The following SWAP70 variants were observed in gnomAD, a reference collection of about 807,000 sequenced individuals.
The protein encoded by SWAP70 is switch-associated protein 70.
In SWAP70, 34 loss-of-function variants were observed where a neutral mutation model predicts 80.2. The ratio of observed to expected loss-of-function variants is 0.42; its 90% CI spans 0.32 to 0.56. The LOEUF (loss-of-function observed/expected upper bound fraction) is 0.56. Ranked by LOEUF, SWAP70 falls within the 20% of genes least tolerant of loss-of-function variation. SWAP70 has a pLI of 0.09. For missense variants in SWAP70, 578 were observed against 690.7 expected, an observed-to-expected ratio of 0.84 and a Z score of 1.83; for synonymous variants, 239 against 238.5, an observed-to-expected ratio of 1.00 and a Z score of -0.02.
chr11:9,744,116 C>T (rs1462274013), intron 9 of SWAP70, among the ~76,000 whole-genome samples: 2 of 152,074 alleles, frequency 1.3e-5, no homozygotes, highest in Non-Finnish European at 2.9e-5. Flanking sequence ...GCGCCTGCCA[C>T]CACGCCCAGC....
Position 9,728,043 on chromosome 11 carries a change from T to A in SWAP70, c.643-10T>A. 1 of 1,580,704 alleles carries A rather than the reference T, an allele frequency of 6.3e-7. No individual in the cohort carries two copies. The highest frequency in any genetic ancestry group is 8.6e-7 in the Non-Finnish European group (1 of 1,168,298). Reference sequence around the variant, plus strand: ...AGACAATAATTTATATCACATTTAATCTTTCACAGGGTTACATGATGAAAA... The same window carrying A: ...AGACAATAATTTATATCACATTTAAACTTTCACAGGGTTACATGATGAAAA... On this transcript the variant is annotated splice_polypyrimidine_tract_variant and intron_variant, in intron 4 of 11. Coordinates refer to ENST00000318950, the MANE Select transcript of SWAP70 (RefSeq NM_015055.4).
chr11:9,701,325 C>T (rs1850828499), intron 2 of SWAP70, among the ~76,000 whole-genome samples: 1 of 151,902 alleles, frequency 6.6e-6, no homozygotes, highest in African/African-American at 2.4e-5. Context: ...GTGCCTGCCA[C>T]CACGCCCAGC....
At chr11:9,666,559 C>T (rs1321581572) in intron 1 of SWAP70, among the ~76,000 whole-genome samples, 2 of 152,114 alleles carry the variant, frequency 1.3e-5, no homozygotes, top group African/African-American at 4.8e-5. Context: ...CCTTTACTCT[C>T]ACTGCTTTAT....
At chr11:9,749,274 G>A (rs570665128) in intron 11 of SWAP70, 91 bp downstream of exon 11, 62 of 645,552 alleles carry the variant, frequency 9.6e-5, no homozygotes, top group African/African-American at 8.6e-4. Context: ...ATGGAGTCTC[G>A]CTCTGTCGCC....
Position 9,734,713 on chromosome 11 carries a change from C to A in SWAP70, c.1080+2003C>A, listed in dbSNP as rs138909085. Reference sequence around the variant, plus strand: ...GGAGTGCAGTGGTGCCATGCTCACTCCCCTGCTCAAGACATCTTCTTGCCT... The same window carrying A: ...GGAGTGCAGTGGTGCCATGCTCACTACCCTGCTCAAGACATCTTCTTGCCT... On this transcript the variant is annotated intron_variant, in intron 7 of 11. Transcript: ENST00000318950. Among the ~76,000 whole-genome samples the A allele has an allele frequency of 2.5e-3, 381 of 152,258 alleles. 3 individuals are homozygous for A. The highest frequency in any genetic ancestry group is 8.7e-3 in the African/African-American group (362 of 41,528).
intron 1 of SWAP70, among the ~76,000 whole-genome samples, chr11:9,672,195 C>CTATGTGTATATATATATATA (rs530619499): frequency 1.3e-5 from 1 of 78,438 alleles, no homozygotes; most frequent in Non-Finnish European, 2.3e-5. Context: ...ATGTGTGTGT[C>CTATGTGTATATATATATATA]TATATATATA....
chr11:9,702,065 A>C (rs781006687), intron 2 of SWAP70, among the ~76,000 whole-genome samples: 28 of 152,236 alleles, frequency 1.8e-4, no homozygotes, highest in Admixed American at 7.2e-4. Context: ...AAACACAGAG[A>C]AACTTTTCAG....
intron 2 of SWAP70, among the ~76,000 whole-genome samples, chr11:9,695,249 A>G (rs1052815876): frequency 1.3e-5 from 2 of 151,960 alleles, no homozygotes; most frequent in Admixed American, 6.6e-5. Context: ...AGTCGAGATC[A>G]CGCCATTGCA....
At chr11:9,727,077 C>CT (rs1385619320) in intron 4 of SWAP70, 8 of 411,252 alleles carry the variant, frequency 1.9e-5, no homozygotes, top group African/African-American at 1.7e-4. Flanking sequence ...TTTTCAGTGA[C>CT]TGAGGTTTTA....
intron 7 of SWAP70, among the ~76,000 whole-genome samples, chr11:9,735,301 A>G (rs1299092831): frequency 6.6e-6 from 1 of 152,100 alleles, no homozygotes; most frequent in Non-Finnish European, 1.5e-5. Context: ...CACTTAATAT[A>G]TTTTTTAGAT....
At chr11:9,715,308 A>G (rs901855157) in intron 3 of SWAP70, among the ~76,000 whole-genome samples, 2 of 152,064 alleles carry the variant, frequency 1.3e-5, no homozygotes, top group African/African-American at 4.8e-5. Context: ...AGTATGCTGG[A>G]TAGCTTACAG....
At chr11:9,724,957 A>G (rs1359087695) in intron 4 of SWAP70, 72 bp downstream of exon 4, 15 of 1,089,782 alleles carry the variant, frequency 1.4e-5, no homozygotes, top group Non-Finnish European at 1.9e-5. Flanking sequence ...TTTTTGTCAC[A>G]AAGATGAGTA....
intron 1 of SWAP70, among the ~76,000 whole-genome samples, chr11:9,674,559 A>G (rs913247713): frequency 3.3e-5 from 5 of 152,058 alleles, no homozygotes; most frequent in African/African-American, 1.2e-4. Context: ...AATTAGCTGG[A>G]CATGGTGGTG....
intron 7 of SWAP70, among the ~76,000 whole-genome samples, chr11:9,737,315 G>A (rs1203663259): frequency 6.6e-6 from 1 of 151,704 alleles, no homozygotes; most frequent in East Asian, 1.9e-4. Flanking sequence ...CTGTGGGGGT[G>A]GGGAGGGAGT....
In SWAP70 at chr11:9,752,221, A is replaced by C. The variant is rs1473261341; in HGVS notation, c.*2251A>C. On this transcript the variant is annotated 3_prime_UTR_variant, in exon 12 of 12. Coordinates refer to ENST00000318950, the MANE Select transcript of SWAP70 (RefSeq NM_015055.4). Reference sequence around the variant, plus strand: ...TGTGAAATAGGTCCTGCACTTTTGCAGAATGTCCTTCTTTAAACCTGGCTT... The same window carrying C: ...TGTGAAATAGGTCCTGCACTTTTGCCGAATGTCCTTCTTTAAACCTGGCTT... 6.6e-6 allele frequency: 1 copy of C among 152,240 alleles called. No homozygotes were observed. The highest frequency in any genetic ancestry group is 1.5e-5 in the Non-Finnish European group (1 of 68,044). The allele number at this position is 152,240 out of a possible 1,614,324, so 9.4% of individuals were successfully genotyped here.
At chr11:9,724,604 C>T in intron 3 of SWAP70, 54 bp from the exon 4 acceptor site, 1 of 1,334,846 alleles carries the variant, frequency 7.5e-7, no homozygotes, top group African/African-American at 1.5e-5. Flanking sequence ...AAATACATAA[C>T]TATGTTAAAG....
In SWAP70 at chr11:9,664,111, T is replaced by C. The variant is rs532981756; in HGVS notation, c.-69T>C. 6.9e-6 allele frequency: 10 copies of C among 1,452,974 alleles called. No homozygotes were observed. The highest frequency in any genetic ancestry group is 6.5e-5 in the South Asian group (5 of 77,470). The allele number at this position is 1,452,974 out of a possible 1,614,324, so 90.0% of individuals were successfully genotyped here. ...CGCGGCGGGCTGTGGCTGCGGAGGTTGAGGGGCGTCCGAGGCGCGGAGGGG... is the reference window on the plus strand; with the variant it reads ...CGCGGCGGGCTGTGGCTGCGGAGGTCGAGGGGCGTCCGAGGCGCGGAGGGG... On this transcript the variant is annotated 5_prime_UTR_variant, in exon 1 of 12. Coordinates refer to ENST00000318950, the MANE Select transcript of SWAP70 (RefSeq NM_015055.4).
chr11:9,694,477 C>T (rs899695417), intron 2 of SWAP70, among the ~76,000 whole-genome samples, 191 bp downstream of exon 2: 1 of 152,112 alleles, frequency 6.6e-6, no homozygotes, highest in East Asian at 1.9e-4. Context: ...GTCTTCTAAA[C>T]TTGGTTTGAT....
intron 4 of SWAP70, among the ~76,000 whole-genome samples, chr11:9,725,527 CAA>C (rs1163528205): frequency 3.5e-4 from 27 of 76,336 alleles, no homozygotes; most frequent in South Asian, 1.1e-3. Context: ...ATTAAAAATA[CAA>C]AATATATATA....
Sources: allele counts gnomAD v4.1 joint callset (sites outside exome capture counted in the v4.1 genomes callset), GRCh38; gene constraint gnomAD v4.1.1; transcripts MANE v1.5; gene names NCBI Gene and HGNC (gene_info 2026-07-23, HGNC 2026-07-21).